The following PRPF8 variants were observed in gnomAD, a reference collection of about 807,000 sequenced individuals.
The protein encoded by PRPF8 is pre-mRNA processing factor 8.
In PRPF8, 64 loss-of-function variants were observed where a neutral mutation model predicts 285.9. That is an observed-to-expected ratio of 0.22 (90% CI 0.18 to 0.28). The LOEUF is 0.28. Ranked by LOEUF, PRPF8 falls within the 10% of genes least tolerant of loss-of-function variation. PRPF8 has a pLI of 1.00. For synonymous variants in PRPF8, 1,325 were observed against 1,118.2 expected (o/e 1.18, Z -3.69); for missense variants, 1,426 against 3,026.7 (o/e 0.47, Z 12.41).
At position 1,676,836 on chromosome 17, in the gene PRPF8, G is replaced by T; in HGVS notation, c.2182-125C>A. ...GCTCAGGAGCTTGAGGCCAGCCTAA[G>T]CAACATGGTGCTTCTTTTCCCTGTC... On this transcript the variant is annotated intron_variant, in intron 15 of 42. Coordinates refer to ENST00000304992, the MANE Select transcript of PRPF8 (RefSeq NM_006445.4). The surrounding 1 kb of genome is among the most constrained non-coding windows in gnomAD (Gnocchi z 6.3). 1 of 1,465,030 alleles carries T rather than the reference G, an allele frequency of 6.8e-7. No homozygotes were observed. The highest frequency in any genetic ancestry group is 1.1e-5 in the South Asian group (1 of 88,070). 90.8% of individuals were successfully genotyped at this position (1,465,030 alleles called of 1,614,324 possible). A position where few individuals can be genotyped will look rare whatever the true frequency, so the allele number is the denominator to read the frequency against.
intron 30 of PRPF8, 135 bp from the exon 31 acceptor site, chr17:1,660,136 C>T: frequency 8.7e-7 from 1 of 1,145,600 alleles, no homozygotes; most frequent in Non-Finnish European, 1.3e-6. Context: ...TGCAAAAGAG[C>T]AAGCTGAGCT....
At chr17:1,678,492 GAA>G (rs1912735161) in intron 13 of PRPF8, 24 bp downstream of exon 13, 3 of 1,613,966 alleles carry the variant, frequency 1.9e-6, no homozygotes, top group East Asian at 4.5e-5. Flanking sequence ...TCAAAAAAAA[GAA>G]AGTCAGTAAA....
Position 1,660,295 on chromosome 17 carries a change from C to A in PRPF8, c.4785+137G>T, listed in dbSNP as rs570170680. 11 of 1,507,486 alleles carry A rather than the reference C, an allele frequency of 7.3e-6. No individual in the cohort carries two copies. The South Asian group carries it at 1.1e-4, about 16-fold the overall frequency. The allele number at this position is 1,507,486 out of a possible 1,614,324, so 93.4% of individuals were successfully genotyped here. A position where few individuals can be genotyped will look rare whatever the true frequency, so the allele number is the denominator to read the frequency against. On this transcript the variant is annotated intron_variant, in intron 30 of 42. Transcript: ENST00000304992. ...GACTCTCTACAGTACCCTCTCCCCA[C>A]GATTCCACCTGAGCTGACTCTGTAC... is the stretch of plus-strand genomic sequence containing the variant.
Position 1,682,157 on chromosome 17 carries a change from T to C in PRPF8, c.406A>G (p.Ile136Val). The change falls in exon 4 of 43, where the codon ATT (isoleucine) becomes GTT (valine). Residue 136 changes from isoleucine (I) to valine (V), a missense_variant. Physicochemically the swap from Ile to Val is conservative, Grantham distance 29. Around this residue, in one of 34 missense-constraint regions of PRPF8, gnomAD observed 96 missense variants for 188.3 expected, o/e 0.51. Transcript: ENST00000304992. The part of the protein sequence containing the change: ...ISFVNEIPWV[I>V]EPVYISQWGS... ...CACTGGGAGATGTAGACAGGTTCAA[T>C]GACCCAGGGAATCTCATTGACGAAG... 1.2e-6 allele frequency: 2 copies of C among 1,614,034 alleles called. No homozygotes were observed. Among genetic ancestry groups the C allele is most frequent in the South Asian group, 2.2e-5 (2 of 91,080 alleles).
At position 1,677,301 on chromosome 17, in the gene PRPF8, C is replaced by T. The variant is rs367764705; in HGVS notation, c.1985-129G>A. 1,003 of 1,059,108 alleles carry T rather than the reference C, an allele frequency of 9.5e-4. 16 individuals are homozygous for T. In the South Asian group the frequency reaches 0.013, roughly 13 times the overall value. 65.6% of individuals were successfully genotyped at this position (1,059,108 alleles called of 1,614,324 possible). A position where few individuals can be genotyped will look rare whatever the true frequency, so the allele number is the denominator to read the frequency against. Reference sequence around the variant, plus strand: ...GGTATTAACAAAGCGTCCCTGTGCCCAGCATATGCAAAAAGACGAGCTACC... The same window carrying T: ...GGTATTAACAAAGCGTCCCTGTGCCTAGCATATGCAAAAAGACGAGCTACC... On this transcript the variant is annotated intron_variant, in intron 14 of 42. Transcript: ENST00000304992.
chr17:1,683,811 G>A (rs1913073343), intron 2 of PRPF8, 110 bp from the exon 3 acceptor site: 2 of 1,257,164 alleles, frequency 1.6e-6, no homozygotes. Context: ...GCAGGCACCA[G>A]CAGGAAGAAG....
Position 1,679,671 on chromosome 17 carries a change from C to T in PRPF8, c.1227G>A (p.Arg409=). The change falls in exon 9 of 43, where the codon CGG becomes CGA. Residue 409 remains arginine, a synonymous_variant. Transcript: ENST00000304992. This position sits in a 1 kb window ranked among gnomAD's most constrained non-coding sequence, Gnocchi z 4.7. ...TGCGACCAGAGCGTAGGTTGAAGGG[C>T]CGCGGGGCCCAGAGCAGGGCAATGC... ...ANGIALLWAP[R]PFNLRSGRTR... is the part of the protein sequence containing the mutation. The T allele has an allele frequency of 1.2e-6, 2 of 1,614,090 alleles. No individual in the cohort carries two copies. The highest frequency in any genetic ancestry group is 1.1e-5 in the South Asian group (1 of 91,074).
At chr17:1,668,021 G>A (rs1019115377) in intron 24 of PRPF8, among the ~76,000 whole-genome samples, 1 of 152,124 alleles carries the variant, frequency 6.6e-6, no homozygotes, top group Non-Finnish European at 1.5e-5. Flanking sequence ...TAAATACCCC[G>A]TTTCATTTAA....
At position 1,653,911 on chromosome 17, in the gene PRPF8, C is replaced by T. The variant is rs766036647; in HGVS notation, c.6093G>A (p.Lys2031=). Residue 2031 remains lysine (K), a synonymous_variant, in exon 38 of 43, where the codon AAG becomes AAA. Coordinates refer to ENST00000304992, the MANE Select transcript of PRPF8 (RefSeq NM_006445.4). This position sits in a 1 kb window ranked among gnomAD's most constrained non-coding sequence, Gnocchi z 4.9. ...TCAGCTGCGATTGTTCCTTGGTCTG[C>T]TTCTCGATCTCAGCGATCTGCTGCC... ...QQRQQIAEIE[K]QTKEQSQLTA... The T allele has an allele frequency of 1.9e-6, 3 of 1,614,202 alleles. No homozygotes were observed. Among genetic ancestry groups the T allele is most frequent in the South Asian group, 1.1e-5 (1 of 91,088 alleles).
chr17:1,659,328 A>G lies in PRPF8; in HGVS notation c.5138+29T>C. 1 of 1,613,490 alleles carries G rather than the reference A, an allele frequency of 6.2e-7. No individual in the cohort carries two copies. ...GGTGTGAGCCACTGCGCCTGGCCTG[A>G]AAATACATGGTCCTGAGCCTCAACT... On this transcript the variant is annotated intron_variant, in intron 32 of 42. Transcript: ENST00000304992. This position sits in a 1 kb window ranked among gnomAD's most constrained non-coding sequence, Gnocchi z 5.1.
intron 24 of PRPF8, among the ~76,000 whole-genome samples, chr17:1,670,384 A>G (rs1912240538): frequency 6.6e-6 from 1 of 152,154 alleles, no homozygotes; most frequent in African/African-American, 2.4e-5. Flanking sequence ...CTTTTCTTTG[A>G]GCATCCCAGG....
chr17:1,673,204 C>A lies in PRPF8; in HGVS notation c.3658-7G>T. On this transcript the variant is annotated splice_region_variant and splice_polypyrimidine_tract_variant and intron_variant, in intron 23 of 42. Transcript: ENST00000304992. The surrounding 1 kb of genome is among the most constrained non-coding windows in gnomAD (Gnocchi z 5.5). Reference sequence around the variant, plus strand: ...CTGTGCGCTCCTTAGTAACCTAAACCACAAAGTCAAGGTTAACATGTCCGA... The same window carrying A: ...CTGTGCGCTCCTTAGTAACCTAAACAACAAAGTCAAGGTTAACATGTCCGA... 1 of 1,613,534 alleles carries A rather than the reference C, an allele frequency of 6.2e-7. No homozygotes were observed. The highest frequency in any genetic ancestry group is 8.5e-7 in the Non-Finnish European group (1 of 1,179,460).
Position 1,675,103 on chromosome 17 carries a change from C to T in PRPF8, c.3060+49G>A, listed in dbSNP as rs765871246. On this transcript the variant is annotated intron_variant, in intron 20 of 42. Transcript: ENST00000304992. The surrounding 1 kb of genome is among the most constrained non-coding windows in gnomAD (Gnocchi z 6.0). ...CTCAGCAAATTCTGAGTCAGTGGGC[C>T]AGACAAGCACTCCACACACAATTCC... 7 of 1,608,076 alleles carry T rather than the reference C, an allele frequency of 4.4e-6. No homozygotes were observed. The highest frequency in any genetic ancestry group is 5.9e-6 in the Non-Finnish European group (7 of 1,177,008).
At chr17:1,682,379 T>C in intron 3 of PRPF8, 86 bp from the exon 4 acceptor site, 1 of 1,511,420 alleles carries the variant, frequency 6.6e-7, no homozygotes, top group Non-Finnish European at 9.2e-7. Flanking sequence ...ATGTTCATGT[T>C]CCACAGTCCT....
chr17:1,652,008 AG>A lies in PRPF8; in HGVS notation c.6370-221del, dbSNP rs1911102970. ...CATCAGAATCTCCTGAGTGGGGTCC[AG>A]GAATCTGCACTGCTCACAAGCTCCC... On this transcript the variant is annotated intron_variant, in intron 39 of 42. Coordinates refer to ENST00000304992, the MANE Select transcript of PRPF8 (RefSeq NM_006445.4). The A allele has an allele frequency of 3.4e-5, 22 of 649,318 alleles. No individual in the cohort carries two copies. The East Asian group carries it at 6.0e-4, about 18-fold the overall frequency. The allele number at this position is 649,318 out of a possible 1,614,324, so 40.2% of individuals were successfully genotyped here.
At chr17:1,652,716 T>G (rs1351136786) in intron 39 of PRPF8, 3 of 150,496 alleles carry the variant, frequency 2.0e-5, no homozygotes, top group Admixed American at 6.6e-5. Flanking sequence ...TGGCTAGTTT[T>G]TTTTTTTTTT....
Position 1,673,874 on chromosome 17 carries a change from A to C in PRPF8, c.3318T>G (p.Ala1106=), listed in dbSNP as rs1305594343. 1 of 1,613,734 alleles carries C rather than the reference A, an allele frequency of 6.2e-7. No individual in the cohort carries two copies. ...HIFFRFTADE[A]RDLIQRYLTE... is the part of the protein sequence containing the mutation. ...TCAGGTAACGTTGAATCAGGTCCCGAGCCTCATCTGCTGTGAACCTACACC... is the reference window on the plus strand; with the variant it reads ...TCAGGTAACGTTGAATCAGGTCCCGCGCCTCATCTGCTGTGAACCTACACC... The change falls in exon 22 of 43, where the codon GCT becomes GCG. Residue 1106 remains alanine, a synonymous_variant. Transcript: ENST00000304992. This position sits in a 1 kb window ranked among gnomAD's most constrained non-coding sequence, Gnocchi z 5.5.
intron 3 of PRPF8, chr17:1,683,154 C>T: frequency 3.1e-6 from 1 of 323,874 alleles, no homozygotes; most frequent in South Asian, 2.6e-5. Context: ...TGCCACCACG[C>T]CCAGCTAATT....
intron 24 of PRPF8, among the ~76,000 whole-genome samples, chr17:1,666,327 T>A (rs1282063765): frequency 1.3e-5 from 2 of 151,614 alleles, no homozygotes; most frequent in African/African-American, 4.9e-5. Flanking sequence ...GGGGGGTGGA[T>A]TACCTGAGCT....
Sources: allele counts gnomAD v4.1 joint callset (sites outside exome capture counted in the v4.1 genomes callset), GRCh38; gene constraint gnomAD v4.1.1; regional missense constraint gnomAD v4.1.1; non-coding constraint Gnocchi (gnomAD v3.1); transcripts MANE v1.5; gene names NCBI Gene and HGNC (gene_info 2026-07-23, HGNC 2026-07-21).